Variants in FOXP2 observed in about 807,000 individuals in gnomAD.
The protein encoded by FOXP2 is forkhead box P2, also known as forkhead box protein P2.
A neutral mutation model predicts 115.8 loss-of-function variants in FOXP2; 12 were observed. The ratio of observed to expected loss-of-function variants is 0.10; its 90% CI spans 0.07 to 0.17. The LOEUF is 0.17. Among genes scored for constraint, FOXP2 ranks in the 10% least tolerant of loss-of-function variants. The probability of loss-of-function intolerance (pLI) is 1.00; values close to 1 mark genes in which losing one functional copy is unlikely to be tolerated. For synonymous variants in FOXP2, 328 were observed against 297.7 expected, an observed-to-expected ratio of 1.10 and a Z score of -1.05; for missense variants, 629 against 843.5, an observed-to-expected ratio of 0.75 and a Z score of 3.15.
chr7:114,350,464 G>A (rs1193897552), intron 2 of FOXP2, among the ~76,000 whole-genome samples: 4 of 152,044 alleles, frequency 2.6e-5, no homozygotes, highest in African/African-American at 9.7e-5. Context: ...TACTTTTATT[G>A]AACTTTTTTC....
chr7:114,403,290 C>A (rs1792938213), intron 2 of FOXP2, among the ~76,000 whole-genome samples: 1 of 152,160 alleles, frequency 6.6e-6, no homozygotes, highest in Non-Finnish European at 1.5e-5. Context: ...TCATCAACTG[C>A]ATCACAGCAA....
intron 1 of FOXP2, among the ~76,000 whole-genome samples, chr7:114,116,045 A>G (rs1382098277): frequency 6.6e-6 from 1 of 152,084 alleles, no homozygotes; most frequent in Non-Finnish European, 1.5e-5. Flanking sequence ...GTTTGGTTTT[A>G]CCCAAAGACT....
chr7:114,377,234 A>G (rs1348180720), intron 2 of FOXP2, among the ~76,000 whole-genome samples: 1 of 152,240 alleles, frequency 6.6e-6, no homozygotes, highest in Admixed American at 6.5e-5. Flanking sequence ...AAACAAATAT[A>G]GAATGAGAAA....
intron 3 of FOXP2, among the ~76,000 whole-genome samples, chr7:114,552,149 T>C (rs1800239831): frequency 6.6e-6 from 1 of 152,226 alleles, no homozygotes; most frequent in African/African-American, 2.4e-5. Flanking sequence ...TTTCATATTT[T>C]GTAGCTATTT....
intron 3 of FOXP2, among the ~76,000 whole-genome samples, chr7:114,547,360 C>A (rs987067701): frequency 6.6e-6 from 1 of 152,060 alleles, no homozygotes; most frequent in Non-Finnish European, 1.5e-5. Context: ...AAATACACTC[C>A]TCATTGCTCT....
intron 2 of FOXP2, among the ~76,000 whole-genome samples, chr7:114,500,087 C>CAT: frequency 6.6e-6 from 1 of 151,584 alleles, no homozygotes; most frequent in Non-Finnish European, 1.5e-5. Context: ...TGGTGGCGGG[C>CAT]GCCTTGTAGT....
intron 1 of FOXP2, among the ~76,000 whole-genome samples, chr7:114,186,746 A>G (rs12539288): frequency 0.68 from 103,513 of 152,058 alleles, 40,066 homozygotes; most frequent in Non-Finnish European, 0.86. Flanking sequence ...ATCTAGGTGG[A>G]GGACATCATA....
Position 114,535,565 on chromosome 7 carries a change from T to A in FOXP2, c.258+859T>A, listed in dbSNP as rs111728681. 6.6e-3 allele frequency among the ~76,000 whole-genome samples: 1,002 copies of A among 151,788 alleles called. 3 individuals are homozygous for A. Among genetic ancestry groups the A allele is most frequent in the Middle Eastern group, 0.017 (5 of 294 alleles). ...ACAAAACAATTTTTTATGGCCCAGC[T>A]GTCTGTTTTTATTTTCAGGTGTACT... On this transcript the variant is annotated intron_variant, in intron 3 of 16. Coordinates refer to ENST00000350908, the MANE Select transcript of FOXP2 (RefSeq NM_014491.4).
chr7:114,628,892 G>T, intron 4 of FOXP2: 1 of 547,128 alleles, frequency 1.8e-6, no homozygotes. Flanking sequence ...TAGAATAAGA[G>T]CAGAGAGAGG....
At chr7:114,348,967 G>A (rs776624680) in intron 2 of FOXP2, among the ~76,000 whole-genome samples, 3 of 151,942 alleles carry the variant, frequency 2.0e-5, no homozygotes, top group African/African-American at 4.8e-5. Flanking sequence ...GAATCTTGTG[G>A]TAATATAAGG....
chr7:114,290,017 C>A (rs1415926069), intron 2 of FOXP2, among the ~76,000 whole-genome samples: 4 of 151,712 alleles, frequency 2.6e-5, no homozygotes, highest in African/African-American at 4.8e-5. Flanking sequence ...TTTAAATTAA[C>A]CTCTGTTAAT....
intron 2 of FOXP2, among the ~76,000 whole-genome samples, chr7:114,384,680 C>T (rs1219752186): frequency 2.0e-5 from 3 of 151,962 alleles, no homozygotes; most frequent in African/African-American, 7.3e-5. Flanking sequence ...AGTTACATTA[C>T]CCTTTTCTAA....
intron 2 of FOXP2, among the ~76,000 whole-genome samples, chr7:114,320,892 T>C (rs115889137): frequency 1.1e-3 from 161 of 152,312 alleles, no homozygotes; most frequent in African/African-American, 3.7e-3. Context: ...AAGCCCTACC[T>C]TCATCAATAA....
At chr7:114,457,241 ATATAAG>A (rs1215521029) in intron 2 of FOXP2, among the ~76,000 whole-genome samples, 1 of 152,216 alleles carries the variant, frequency 6.6e-6, no homozygotes, top group Non-Finnish European at 1.5e-5. Context: ...GTTTCACTGT[ATATAAG>A]TATATCAAAA....
chr7:114,248,967 C>T (rs567440447), intron 1 of FOXP2, among the ~76,000 whole-genome samples: 1 of 152,246 alleles, frequency 6.6e-6, no homozygotes, highest in South Asian at 2.1e-4. Context: ...ACTTGTCATT[C>T]AGAAATATTT....
At chr7:114,591,043 C>T (rs1470160524) in intron 3 of FOXP2, among the ~76,000 whole-genome samples, 1 of 152,054 alleles carries the variant, frequency 6.6e-6, no homozygotes, top group South Asian at 2.1e-4. Flanking sequence ...TATGCTCAAA[C>T]CAGTCCAATA....
chr7:114,552,873 T>C (rs1584887014), intron 3 of FOXP2, among the ~76,000 whole-genome samples: 2 of 152,188 alleles, frequency 1.3e-5, no homozygotes, highest in African/African-American at 4.8e-5. Flanking sequence ...TCACAATCAC[T>C]ATAACTTAGC....
chr7:114,458,306 T>A lies in FOXP2; in HGVS notation c.168+31627T>A, dbSNP rs113399459. Among the ~76,000 whole-genome samples, 235 of 152,236 alleles carry A rather than the reference T, an allele frequency of 1.5e-3. 1 individual carries two copies. Among genetic ancestry groups the A allele is most frequent in the African/African-American group, 5.4e-3 (223 of 41,546 alleles). On this transcript the variant is annotated intron_variant, in intron 2 of 16. Transcript: ENST00000350908. Reference sequence around the variant, plus strand: ...CCTTATTACTTGTATTTCAATATACTTTTTTATGATTGTAAGAATTTGCAT... The same window carrying A: ...CCTTATTACTTGTATTTCAATATACATTTTTATGATTGTAAGAATTTGCAT...
chr7:114,216,640 A>T (rs1341938740), intron 1 of FOXP2, among the ~76,000 whole-genome samples: 2 of 152,020 alleles, frequency 1.3e-5, no homozygotes, highest in African/African-American at 2.4e-5. Context: ...TCTTAGTTTA[A>T]TCTCTTAAGT....
Sources: allele counts gnomAD v4.1 joint callset (sites outside exome capture counted in the v4.1 genomes callset), GRCh38; gene constraint gnomAD v4.1.1; transcripts MANE v1.5; gene names NCBI Gene and HGNC (gene_info 2026-07-23, HGNC 2026-07-21).